Variants in SUSD4 observed in about 807,000 individuals in gnomAD.
SUSD4 encodes the protein sushi domain containing 4.
SUSD4 carries 41 observed loss-of-function variants against 50.5 expected under a neutral mutation model. The observed-to-expected ratio is 0.81, with a 90% CI of 0.63 to 1.05. The LOEUF is 1.05. SUSD4 is among the 50% of genes least tolerant of loss of function. SUSD4 has a pLI of 0.00. For synonymous variants in SUSD4, 257 were observed against 257.3 expected (o/e 1.00, Z 0.01); for missense variants, 580 against 634.7 (o/e 0.91, Z 0.93).
At chr1:223,303,583 T>A (rs1156340740) in intron 2 of SUSD4, among the ~76,000 whole-genome samples, 1 of 152,178 alleles carries the variant, frequency 6.6e-6, no homozygotes, top group Non-Finnish European at 1.5e-5. Context: ...GCAATGGGGC[T>A]CTTTCCTTGT....
intron 5 of SUSD4, among the ~76,000 whole-genome samples, chr1:223,259,159 G>T (rs1661918080): frequency 6.6e-6 from 1 of 152,194 alleles, no homozygotes; most frequent in Non-Finnish European, 1.5e-5. Flanking sequence ...AAAATACTCA[G>T]CATATAGGCA....
intron 2 of SUSD4, among the ~76,000 whole-genome samples, chr1:223,300,101 T>A (rs1471637603): frequency 6.6e-6 from 1 of 152,132 alleles, no homozygotes; most frequent in Middle Eastern, 3.2e-3. Flanking sequence ...AGTCATCTAG[T>A]GGGGAAAGCA....
chr1:223,303,462 T>C (rs970865083), intron 2 of SUSD4, among the ~76,000 whole-genome samples: 27 of 147,426 alleles, frequency 1.8e-4, no homozygotes, highest in African/African-American at 6.3e-4. Context: ...ATCTAGGACA[T>C]TCAATAGTTT....
At chr1:223,266,534 AAACT>A (rs1662501593) in intron 4 of SUSD4, among the ~76,000 whole-genome samples, 1 of 152,218 alleles carries the variant, frequency 6.6e-6, no homozygotes, top group South Asian at 2.1e-4. Context: ...TCTCAAATAA[AAACT>A]AACTCTGACT....
At chr1:223,354,627 C>A (rs949815660) in intron 2 of SUSD4, among the ~76,000 whole-genome samples, 5 of 152,148 alleles carry the variant, frequency 3.3e-5, no homozygotes, top group African/African-American at 9.7e-5. Context: ...ATGAGCCCCC[C>A]AACACACACA....
At chr1:223,249,107 A>C (rs1661133347) in intron 5 of SUSD4, among the ~76,000 whole-genome samples, 1 of 152,202 alleles carries the variant, frequency 6.6e-6, no homozygotes, top group Non-Finnish European at 1.5e-5. Context: ...AGGTGAAAAT[A>C]AATCACAAGA....
At chr1:223,354,079 T>C (rs1488030688) in intron 2 of SUSD4, among the ~76,000 whole-genome samples, 4 of 151,998 alleles carry the variant, frequency 2.6e-5, no homozygotes, top group African/African-American at 9.7e-5. Context: ...TTCTGACTCT[T>C]CTGCAGCTGA....
chr1:223,336,421 G>A (rs1458353294), intron 2 of SUSD4, among the ~76,000 whole-genome samples: 2 of 152,302 alleles, frequency 1.3e-5, no homozygotes, highest in Non-Finnish European at 2.9e-5. Context: ...ATCAGTATAA[G>A]CAATTATCAA....
At chr1:223,311,138 A>G (rs916212723) in intron 2 of SUSD4, among the ~76,000 whole-genome samples, 1 of 152,264 alleles carries the variant, frequency 6.6e-6, no homozygotes, top group Non-Finnish European at 1.5e-5. Context: ...AAGGAGAGAA[A>G]TAACACAGAT....
chr1:223,308,073 C>CT (rs1403740251), intron 2 of SUSD4, among the ~76,000 whole-genome samples: 3 of 152,060 alleles, frequency 2.0e-5, no homozygotes, highest in Non-Finnish European at 4.4e-5. Flanking sequence ...GTGTTTTCAT[C>CT]TTTTTTTAAG....
intron 3 of SUSD4, among the ~76,000 whole-genome samples, chr1:223,272,724 C>T (rs757927272): frequency 7.4e-4 from 113 of 152,270 alleles, no homozygotes; most frequent in Non-Finnish European, 1.3e-3. Flanking sequence ...AAGGCTCGAA[C>T]GGTCTTACTG....
rs974445202 is a variant in SUSD4 at position 223,363,502 on chromosome 1, G to A, written c.-35-42C>T. On this transcript the variant is annotated intron_variant, in intron 1 of 8. Transcript: ENST00000366878. The stretch of plus-strand genomic sequence containing the variant: ...AACACCACAATAAGCCAGTCTGTCC[G>A]GGCTCGGGGGCCACGCTCCCCCTCC... 5.0e-6 allele frequency: 7 copies of A among 1,388,764 alleles called. No homozygotes were observed. In the East Asian group the frequency reaches 1.4e-4, roughly 28 times the overall value. 86.0% of individuals were successfully genotyped at this position (1,388,764 alleles called of 1,614,324 possible).
rs544791335 is a variant in SUSD4, at chr1:223,243,855, T to C, written c.725-14467A>G. Among the ~76,000 whole-genome samples, 30 of 152,362 alleles carry C rather than the reference T, an allele frequency of 2.0e-4. 2 individuals are homozygous for C. In the South Asian group the frequency reaches 6.0e-3, roughly 30 times the overall value. On this transcript the variant is annotated intron_variant, in intron 5 of 8. Coordinates refer to ENST00000366878, the MANE Select transcript of SUSD4 (RefSeq NM_017982.4). ...ACTATGGCACCTCCTCCAGCATAGA[T>C]AAGGGAGACTATTATGTTTGGACAA...
At chr1:223,342,739 G>A (rs1049548661) in intron 2 of SUSD4, among the ~76,000 whole-genome samples, 1 of 152,126 alleles carries the variant, frequency 6.6e-6, no homozygotes, top group Non-Finnish European at 1.5e-5. Flanking sequence ...TTCCCAGCAC[G>A]CAAATTGACT....
At chr1:223,333,573 C>G (rs1276277962) in intron 2 of SUSD4, among the ~76,000 whole-genome samples, 2 of 152,168 alleles carry the variant, frequency 1.3e-5, no homozygotes, top group African/African-American at 2.4e-5. Flanking sequence ...AGTGACAATG[C>G]AAAAGACGTC....
rs1268256448 is a variant in SUSD4, at chr1:223,363,680, G to A, written c.-35-220C>T. On this transcript the variant is annotated intron_variant, in intron 1 of 8. Coordinates refer to ENST00000366878, the MANE Select transcript of SUSD4 (RefSeq NM_017982.4). ...CGCCGTGGGATGCTGCGCGTGCTGGGGGATGGAGGACAGGAGGGAGGGCAG... is the reference window on the plus strand; with the variant it reads ...CGCCGTGGGATGCTGCGCGTGCTGGAGGATGGAGGACAGGAGGGAGGGCAG... The A allele has an allele frequency of 1.0e-5, 5 of 499,662 alleles. No individual in the cohort carries two copies. The Admixed American group carries it at 1.0e-4, about 10-fold the overall frequency. The allele number at this position is 499,662 out of a possible 1,614,324, so 31.0% of individuals were successfully genotyped here. A position where few individuals can be genotyped will look rare whatever the true frequency, so the allele number is the denominator to read the frequency against.
chr1:223,329,979 C>T (rs934508703), intron 2 of SUSD4, among the ~76,000 whole-genome samples: 4 of 151,970 alleles, frequency 2.6e-5, no homozygotes, highest in South Asian at 2.1e-4. Context: ...GAAAGATGGA[C>T]GGATGACTGG....
chr1:223,300,941 A>C (rs2103179119), intron 2 of SUSD4, among the ~76,000 whole-genome samples: 1 of 152,306 alleles, frequency 6.6e-6, no homozygotes, highest in East Asian at 1.9e-4. Context: ...AAAGAATCAT[A>C]AAAATGAAAG....
Position 223,332,723 on chromosome 1 carries a change from T to C in SUSD4, c.148+30555A>G, listed in dbSNP as rs921515828. Among the ~76,000 whole-genome samples, 5 of 152,066 alleles carry C rather than the reference T, an allele frequency of 3.3e-5. No homozygotes were observed. Among genetic ancestry groups the C allele is most frequent in the African/African-American group, 1.2e-4 (5 of 41,394 alleles). On this transcript the variant is annotated intron_variant, in intron 2 of 8. Transcript: ENST00000366878. This position sits in a 1 kb window ranked among gnomAD's most constrained non-coding sequence, Gnocchi z 4.0. ...ACAAGCCTCTCCTTCAGGGCGTGTG[T>C]CACAGGGAAACGGAACCAGGGGTAA...
Sources: gnomAD v4.1 joint callset for allele counts (sites outside exome capture counted in the v4.1 genomes callset) on GRCh38, gnomAD v4.1.1 for gene constraint, Gnocchi (gnomAD v3.1) non-coding constraint, MANE v1.5 for transcripts, NCBI Gene and HGNC (gene_info 2026-07-23, HGNC 2026-07-21) for gene names.